The following ELFN1 variants were observed in gnomAD, a reference collection of about 807,000 sequenced individuals.
ELFN1 encodes the protein extracellular leucine rich repeat and fibronectin type III domain containing 1.
Under a neutral mutation model 7.6 loss-of-function variants are expected in ELFN1, and 6 were observed. The ratio of observed to expected loss-of-function variants is 0.79; its 90% confidence interval spans 0.43 to 1.56. The LOEUF (loss-of-function observed/expected upper bound fraction) is 1.56, where lower values mean the gene tolerates loss of function less well. Among genes scored for constraint, ELFN1 ranks in the 40% most tolerant of loss-of-function variants. ELFN1 has a pLI of 0.01. For missense variants in ELFN1, 1,169 were observed against 1,232.2 expected (o/e 0.95, Z 0.77); for synonymous variants, 657 against 588.1 (o/e 1.12, Z -1.70).
chr7:1,674,055 C>T (rs971257283), intron 1 of ELFN1, among the ~76,000 whole-genome samples: 50 of 149,630 alleles, frequency 3.3e-4, no homozygotes, highest in African/African-American at 1.2e-3. Context: ...AGTCAGGCGG[C>T]GAGGACCACT....
chr7:1,666,431 C>T (rs1345666261), upstream of ELFN1, among the ~76,000 whole-genome samples: 4 of 152,038 alleles, frequency 2.6e-5, no homozygotes, highest in Non-Finnish European at 5.9e-5. This position sits in a 1 kb window ranked among gnomAD's most constrained non-coding sequence, Gnocchi z 7.9. Context: ...GGGCCCGCGG[C>T]TCCCGGGCGT....
intron 1 of ELFN1, among the ~76,000 whole-genome samples, chr7:1,678,927 T>C (rs1248552361): frequency 2.0e-5 from 3 of 152,152 alleles, no homozygotes; most frequent in Admixed American, 6.5e-5. Flanking sequence ...GAGTGGGTGA[T>C]GTCAGGGGCT....
At chr7:1,685,797 T>C (rs982744825) in intron 1 of ELFN1, among the ~76,000 whole-genome samples, 24 of 148,674 alleles carry the variant, frequency 1.6e-4, no homozygotes, top group African/African-American at 5.9e-4. Context: ...TATTATATAA[T>C]ATATAAACTG....
chr7:1,707,390 A>G (rs1207844435), intron 2 of ELFN1, among the ~76,000 whole-genome samples: 3 of 152,246 alleles, frequency 2.0e-5, no homozygotes, highest in African/African-American at 7.2e-5. Flanking sequence ...CTCCACAAGC[A>G]TGCGTTCCTG....
chr7:1,672,730 TC>T (rs1007569211), intron 1 of ELFN1, among the ~76,000 whole-genome samples: 5 of 151,480 alleles, frequency 3.3e-5, no homozygotes, highest in Admixed American at 6.6e-5. Flanking sequence ...CAGGATCCCT[TC>T]CCCCCCGACA....
At chr7:1,711,763 A>T (rs2128588579) in intron 3 of ELFN1, among the ~76,000 whole-genome samples, 1 of 152,290 alleles carries the variant, frequency 6.6e-6, no homozygotes, top group South Asian at 2.1e-4. Flanking sequence ...TCTGTGGATG[A>T]CAGTGTCCCC....
At chr7:1,694,196 C>T (rs1428258415) in intron 2 of ELFN1, 3 of 204,936 alleles carry the variant, frequency 1.5e-5, no homozygotes, top group Non-Finnish European at 3.0e-5. Flanking sequence ...TGGAAGGAGG[C>T]AGGGAGCCCC....
intron 3 of ELFN1, among the ~76,000 whole-genome samples, chr7:1,741,760 G>A (rs1171811295): frequency 6.6e-6 from 1 of 152,156 alleles, no homozygotes; most frequent in Non-Finnish European, 1.5e-5. Context: ...ACATGAGGAG[G>A]AAATCTGGGG....
chr7:1,718,682 A>G (rs368555739), intron 3 of ELFN1, among the ~76,000 whole-genome samples: 16 of 152,252 alleles, frequency 1.1e-4, no homozygotes, highest in African/African-American at 3.6e-4. Context: ...AGACTCTCCC[A>G]TCTGTGTTCT....
At position 1,746,599 on chromosome 7, in the gene ELFN1, A is replaced by G. The variant is rs1316562830; in HGVS notation, c.2003A>G (p.Lys668Arg). Residue 668 changes from lysine (K) to arginine (R), a missense_variant, in exon 4 of 4, where the codon AAG (lysine) becomes AGG (arginine). Coordinates refer to ENST00000424383, the MANE Select transcript of ELFN1 (RefSeq NM_001128636.4). Reference sequence around the variant, plus strand: ...CACAAGGCCGCGGCCGCCGAGGCCAAGTACATCGAGAAGGGCTCCCCCGCG... The same window carrying G: ...CACAAGGCCGCGGCCGCCGAGGCCAGGTACATCGAGAAGGGCTCCCCCGCG... Reference protein sequence around the residue: ...GVHKAAAAEAKYIEKGSPAAD... With the variant: ...GVHKAAAAEARYIEKGSPAAD... The G allele has an allele frequency of 1.3e-5, 17 of 1,348,260 alleles. No individual in the cohort carries two copies. Among genetic ancestry groups the G allele is most frequent in the Non-Finnish European group, 1.4e-5 (15 of 1,054,256 alleles). The allele number at this position is 1,348,260 out of a possible 1,614,324, so 83.5% of individuals were successfully genotyped here. A position where few individuals can be genotyped will look rare whatever the true frequency, so the allele number is the denominator to read the frequency against.
chr7:1,746,952 C>A lies in ELFN1; in HGVS notation c.2356C>A (p.Arg786=). Residue 786 remains arginine (R), a synonymous_variant, in exon 4 of 4, where the codon CGG becomes AGG. Transcript: ENST00000424383. ...IWERFRLSRR[R]HKEEEEFMAA... is the part of the protein sequence containing the mutation. ...GGAGCGCTTCAGACTGAGCCGCCGG[C>A]GGCACAAGGAGGAAGAGGAGTTCAT... 6.4e-7 allele frequency: 1 copy of A among 1,551,178 alleles called. No individual in the cohort carries two copies. Among genetic ancestry groups the A allele is most frequent in the South Asian group, 1.2e-5 (1 of 83,636 alleles).
At chr7:1,711,268 T>C (rs1307081608) in intron 3 of ELFN1, among the ~76,000 whole-genome samples, 2 of 152,276 alleles carry the variant, frequency 1.3e-5, no homozygotes, top group Non-Finnish European at 2.9e-5. Context: ...CTGTGTTCCA[T>C]GTGGGTCTGT....
intron 3 of ELFN1, among the ~76,000 whole-genome samples, chr7:1,715,566 C>G (rs1779804790): frequency 6.6e-6 from 1 of 152,226 alleles, no homozygotes; most frequent in African/African-American, 2.4e-5. Flanking sequence ...CCAGAAAGCC[C>G]CTTCCCCGCT....
At chr7:1,727,223 G>T (rs948858485) in intron 3 of ELFN1, among the ~76,000 whole-genome samples, 1 of 152,226 alleles carries the variant, frequency 6.6e-6, no homozygotes, top group African/African-American at 2.4e-5. Context: ...TGGAGATGGT[G>T]AGTGTGAGTC....
At chr7:1,713,798 G>A (rs1048596808) in intron 3 of ELFN1, among the ~76,000 whole-genome samples, 3 of 152,206 alleles carry the variant, frequency 2.0e-5, no homozygotes, top group Non-Finnish European at 4.4e-5. Context: ...CAAGTGCAGG[G>A]CTGGCATCCC....
At chr7:1,742,494 G>A (rs889752259) in intron 3 of ELFN1, among the ~76,000 whole-genome samples, 54 of 152,344 alleles carry the variant, frequency 3.5e-4, no homozygotes, top group African/African-American at 1.1e-3. Context: ...AGGGGCTGGC[G>A]TGGGTGCGAG....
rs1365944312 is a variant in ELFN1 at position 1,686,443 on chromosome 7, G to A, written c.-548-1615G>A. On this transcript the variant is annotated intron_variant, in intron 1 of 3. Transcript: ENST00000424383. ...TACTCCCACCTCAGCCTCCTAAGTA[G>A]CAGGGACTACAGGTACATGTCACCA... Among the ~76,000 whole-genome samples the A allele has an allele frequency of 2.0e-5, 3 of 151,178 alleles. No individual in the cohort carries two copies. The Admixed American group carries it at 2.0e-4, about 10-fold the overall frequency.
rs891484941 is a variant in ELFN1 at position 1,673,137 on chromosome 7, G to A, written c.-549+2783G>A. Among the ~76,000 whole-genome samples, 7 of 151,552 alleles carry A rather than the reference G, an allele frequency of 4.6e-5. No homozygotes were observed. Among genetic ancestry groups the A allele is most frequent in the African/African-American group, 1.7e-4 (7 of 41,274 alleles). On this transcript the variant is annotated intron_variant, in intron 1 of 3. Transcript: ENST00000424383. The surrounding 1 kb of genome is among the most constrained non-coding windows in gnomAD (Gnocchi z 4.7). ...TTTGTTGTGGATTTGGTTTCTTCCA[G>A]CACAAGCTCAGGTGTCAAGTGGCCT... is the stretch of plus-strand genomic sequence containing the variant.
At chr7:1,683,528 T>G (rs1254128980) in intron 1 of ELFN1, among the ~76,000 whole-genome samples, 8 of 152,238 alleles carry the variant, frequency 5.3e-5, no homozygotes, top group South Asian at 2.1e-4. Context: ...GTCTTTTGGG[T>G]GGAATGTTCT....
Sources: allele counts gnomAD v4.1 joint callset (sites outside exome capture counted in the v4.1 genomes callset), GRCh38; gene constraint gnomAD v4.1.1; non-coding constraint Gnocchi (gnomAD v3.1); transcripts MANE v1.5; gene names NCBI Gene and HGNC (gene_info 2026-07-23, HGNC 2026-07-21).